SCUBE1: variants seen among roughly 807,000 people sequenced by gnomAD.
SCUBE1 encodes signal peptide, CUB and EGF-like domain-containing protein 1.
In SCUBE1, 59 loss-of-function variants were observed where a neutral mutation model predicts 124.4. That is an observed-to-expected ratio of 0.47 (90% CI 0.38 to 0.59). The LOEUF (loss-of-function observed/expected upper bound fraction) is 0.59. SCUBE1 is among the 20% of genes least tolerant of loss of function. SCUBE1 has a pLI of 0.00. For synonymous variants in SCUBE1, 545 were observed against 550.9 expected, an observed-to-expected ratio of 0.99 and a Z score of 0.15; for missense variants, 1,150 against 1,371.2, an observed-to-expected ratio of 0.84 and a Z score of 2.55.
At chr22:43,246,748 T>G (rs546872257) in intron 6 of SCUBE1, among the ~76,000 whole-genome samples, 1 of 152,348 alleles carries the variant, frequency 6.6e-6, no homozygotes, top group East Asian at 1.9e-4. Flanking sequence ...CCCGGAGATG[T>G]GGCTGAGGAC....
chr22:43,258,317 T>C lies in SCUBE1; in HGVS notation c.629A>G (p.Asn210Ser), dbSNP rs1923742910. 6.2e-7 allele frequency: 1 copy of C among 1,613,766 alleles called. No individual in the cohort carries two copies. The highest frequency in any genetic ancestry group is 1.3e-5 in the African/African-American group (1 of 74,902). ...KDCTLTCNYG[N>S]GGCQHSCEDT... ...CTCACAGCTGTGCTGGCAGCCTCCG[T>C]TTCCATAATTACAGGTTACTAGTTA... The change falls in exon 6 of 22, where the codon AAC becomes AGC. Residue 210 changes from asparagine (N) to serine (S), a missense_variant. Physicochemically the swap from Asn to Ser is conservative, Grantham distance 46. Transcript: ENST00000360835. This position sits in a 1 kb window ranked among gnomAD's most constrained non-coding sequence, Gnocchi z 5.0.
At chr22:43,251,584 G>C (rs1371058895) in intron 6 of SCUBE1, among the ~76,000 whole-genome samples, 1 of 152,152 alleles carries the variant, frequency 6.6e-6, no homozygotes, top group Non-Finnish European at 1.5e-5. Context: ...ACTGGGGCGG[G>C]TCAGGCTGCT....
chr22:43,236,528 G>A (rs1922769285), intron 7 of SCUBE1, among the ~76,000 whole-genome samples: 1 of 152,202 alleles, frequency 6.6e-6, no homozygotes. Flanking sequence ...AGCCTCCCCT[G>A]CCCAGTGCTG....
At chr22:43,275,202 C>T (rs147523404) in intron 4 of SCUBE1, among the ~76,000 whole-genome samples, 2 of 152,310 alleles carry the variant, frequency 1.3e-5, no homozygotes, top group African/African-American at 2.4e-5. Context: ...CAAACTGGGG[C>T]TGGAGAGGCC....
At chr22:43,218,970 C>T (rs1921961455) in intron 14 of SCUBE1, among the ~76,000 whole-genome samples, 1 of 152,216 alleles carries the variant, frequency 6.6e-6, no homozygotes, top group African/African-American at 2.4e-5. Flanking sequence ...TGTGCCTTTG[C>T]CTATTCTATT....
intron 3 of SCUBE1, among the ~76,000 whole-genome samples, chr22:43,307,546 C>T (rs1401704994): frequency 5.3e-5 from 8 of 152,168 alleles, no homozygotes; most frequent in Non-Finnish European, 1.0e-4. Context: ...ATCACACGAC[C>T]GCACTGCCAG....
chr22:43,315,115 TG>T (rs1459131597), intron 3 of SCUBE1, among the ~76,000 whole-genome samples: 1 of 152,056 alleles, frequency 6.6e-6, no homozygotes, highest in Non-Finnish European at 1.5e-5. Flanking sequence ...AACATGTCTG[TG>T]GGCCAGATGG....
rs138073453 is a variant in SCUBE1, at chr22:43,231,789, C to T, written c.931G>A (p.Gly311Ser). ...VGSFECGCRK[G>S]YKLLTDERTC... ...CGCTCGTCGGTGAGCAGCTTGTAGC[C>T]CTTCCGGCAGCCGCACTCGAAGCTG... Residue 311 changes from glycine (G) to serine (S), a missense_variant, in exon 8 of 22, where the codon GGC (glycine) becomes AGC (serine). Coordinates refer to ENST00000360835, the MANE Select transcript of SCUBE1 (RefSeq NM_173050.5). 9.9e-6 allele frequency: 16 copies of T among 1,610,016 alleles called. No individual in the cohort carries two copies. The highest frequency in any genetic ancestry group is 1.3e-5 in the African/African-American group (1 of 74,856).
chr22:43,211,026 G>A lies in SCUBE1; in HGVS notation c.2279C>T (p.Pro760Leu). The A allele has an allele frequency of 1.2e-6, 2 of 1,614,118 alleles. No homozygotes were observed. Among genetic ancestry groups the A allele is most frequent in the South Asian group, 2.2e-5 (2 of 91,084 alleles). Residue 760 changes from proline (P) to leucine (L), a missense_variant, in exon 18 of 22, where the codon CCC becomes CTC. Around this residue, in one of 3 missense-constraint regions of SCUBE1, gnomAD observed 757 missense variants for 840.9 expected, o/e 0.90. Coordinates refer to ENST00000360835, the MANE Select transcript of SCUBE1 (RefSeq NM_173050.5). The surrounding 1 kb of genome is among the most constrained non-coding windows in gnomAD (Gnocchi z 4.5). The part of the protein sequence containing the change: ...NTTTHRCIRC[P>L]VGTYQPEFGQ... ...AAACTCGGGCTGGTAGGTGCCGACG[G>A]GGCAGCGGATGCAGCGGTGGGTGGT...
At chr22:43,317,473 C>T (rs866941129) in intron 3 of SCUBE1, among the ~76,000 whole-genome samples, 4 of 152,322 alleles carry the variant, frequency 2.6e-5, no homozygotes, top group Middle Eastern at 6.8e-3. Flanking sequence ...AGTCACTGCT[C>T]ACGACAACCC....
intron 8 of SCUBE1, 89 bp from the exon 9 acceptor site, chr22:43,229,277 C>T (rs1922457923): frequency 1.1e-5 from 10 of 901,990 alleles, no homozygotes; most frequent in Admixed American, 6.9e-5. Context: ...ACTCAAGGCA[C>T]ATCTGTGGAC....
intron 4 of SCUBE1, chr22:43,275,813 T>G (rs1043701303): frequency 6.6e-6 from 1 of 152,574 alleles, no homozygotes; most frequent in Admixed American, 6.5e-5. Flanking sequence ...AGAGAGGAAC[T>G]GGACTGTGGG....
At chr22:43,228,340 C>T (rs1156611440) in intron 9 of SCUBE1, among the ~76,000 whole-genome samples, 1 of 152,214 alleles carries the variant, frequency 6.6e-6, no homozygotes, top group Non-Finnish European at 1.5e-5. Flanking sequence ...GCCCCGGCTC[C>T]AGCAGTGCAT....
At position 43,245,131 on chromosome 22, in the gene SCUBE1, A is replaced by G. The variant is rs143796796; in HGVS notation, c.728-6177T>C. Among the ~76,000 whole-genome samples the G allele has an allele frequency of 1.9e-3, 293 of 152,298 alleles. 5 individuals carry two copies. Among genetic ancestry groups the G allele is most frequent in the African/African-American group, 6.7e-3 (279 of 41,552 alleles). Reference sequence around the variant, plus strand: ...TGGCCCTGGTCTCCCTGGCTGGCCTATCTCCCGAGGGGCCCTCTGAACTCC... The same window carrying G: ...TGGCCCTGGTCTCCCTGGCTGGCCTGTCTCCCGAGGGGCCCTCTGAACTCC... On this transcript the variant is annotated intron_variant, in intron 6 of 21. Coordinates refer to ENST00000360835, the MANE Select transcript of SCUBE1 (RefSeq NM_173050.5).
At chr22:43,342,536 A>G (rs914971407) in intron 1 of SCUBE1, among the ~76,000 whole-genome samples, 3 of 126,178 alleles carry the variant, frequency 2.4e-5, no homozygotes, top group African/African-American at 9.3e-5. Context: ...TGCGGCGTCC[A>G]TCTGTCCCCC....
At chr22:43,331,655 G>T (rs1012497045) in intron 2 of SCUBE1, among the ~76,000 whole-genome samples, 1 of 152,160 alleles carries the variant, frequency 6.6e-6, no homozygotes, top group East Asian at 1.9e-4. Flanking sequence ...GCTATAATTT[G>T]GTCCTTTTCC....
rs1369848064 is a variant in SCUBE1, at chr22:43,262,860, A to G, written c.485-15T>C. 5.6e-6 allele frequency: 9 copies of G among 1,602,978 alleles called. No homozygotes were observed. The highest frequency in any genetic ancestry group is 7.7e-6 in the Non-Finnish European group (9 of 1,170,886). On this transcript the variant is annotated splice_polypyrimidine_tract_variant and intron_variant, in intron 4 of 21. Transcript: ENST00000360835. The stretch of plus-strand genomic sequence containing the variant: ...GTTCATACCCTCTGGGAAGAGAGAC[A>G]GACAAGAGACGGGTTGAAGACCAGG...
chr22:43,290,379 C>G (rs1417767212), intron 4 of SCUBE1, among the ~76,000 whole-genome samples: 2 of 152,228 alleles, frequency 1.3e-5, no homozygotes, highest in Non-Finnish European at 2.9e-5. Context: ...CACCTCACAG[C>G]TCTGCTGCCC....
At chr22:43,269,430 G>C (rs1041000264) in intron 4 of SCUBE1, among the ~76,000 whole-genome samples, 28 of 152,324 alleles carry the variant, frequency 1.8e-4, no homozygotes, top group Non-Finnish European at 3.8e-4. Flanking sequence ...GCGGCCCAGC[G>C]TGTTTGTACT....
Sources: gnomAD v4.1 joint callset for allele counts (sites outside exome capture counted in the v4.1 genomes callset) on GRCh38, gnomAD v4.1.1 for gene constraint, gnomAD v4.1.1 regional missense constraint, Gnocchi (gnomAD v3.1) non-coding constraint, MANE v1.5 for transcripts, NCBI Gene and HGNC (gene_info 2026-07-23, HGNC 2026-07-21) for gene names.